The following FGF14 variants were observed in gnomAD, a reference collection of about 807,000 sequenced individuals.
The protein encoded by FGF14 is fibroblast growth factor 14.
A neutral mutation model predicts 25.5 loss-of-function variants in FGF14; 5 were observed. The ratio of observed to expected loss-of-function variants is 0.20; its 90% CI spans 0.10 to 0.41. The LOEUF (loss-of-function observed/expected upper bound fraction) is 0.41. Ranked by LOEUF, FGF14 falls within the 10% of genes least tolerant of loss-of-function variation. The pLI is 1.00. For synonymous variants in FGF14, 138 were observed against 118.3 expected (o/e 1.17, Z -1.08); for missense variants, 222 against 320.1 (o/e 0.69, Z 2.34).
chr13:102,053,506 T>C, intron 1 of FGF14, among the ~76,000 whole-genome samples: 1 of 152,000 alleles, frequency 6.6e-6, no homozygotes, highest in East Asian at 1.9e-4. Context: ...AAAAGCAAAA[T>C]TTAAAAATGT....
At chr13:102,354,978 C>T (rs773041753) in intron 1 of FGF14, among the ~76,000 whole-genome samples, 1 of 152,108 alleles carries the variant, frequency 6.6e-6, no homozygotes, top group African/African-American at 2.4e-5. Context: ...CTTCTTTGTG[C>T]GATCAAGACC....
Position 101,866,554 on chromosome 13 carries a change from G to C in FGF14, c.408+2171C>G, listed in dbSNP as rs191904044. Among the ~76,000 whole-genome samples, 1,011 of 152,022 alleles carry C rather than the reference G, an allele frequency of 6.7e-3. 10 individuals carry two copies. The highest frequency in any genetic ancestry group is 0.017 in the South Asian group (81 of 4,812). ...GCTTAGAACAGTGCTAGACAGAGTG[G>C]ATTGTACAAATATCATCACTATTGT... On this transcript the variant is annotated intron_variant, in intron 3 of 4. Transcript: ENST00000376143.
intron 1 of FGF14, among the ~76,000 whole-genome samples, chr13:102,334,468 C>G (rs2056730868): frequency 6.6e-6 from 1 of 152,068 alleles, no homozygotes; most frequent in African/African-American, 2.4e-5. Flanking sequence ...CTGCAGCAAG[C>G]CATGCAGATG....
At chr13:101,889,237 A>T (rs1425693200) in intron 1 of FGF14, among the ~76,000 whole-genome samples, 3 of 150,614 alleles carry the variant, frequency 2.0e-5, no homozygotes, top group Non-Finnish European at 2.9e-5. Flanking sequence ...ATTGCCATTT[A>T]AAAAAAATAA....
intron 1 of FGF14, among the ~76,000 whole-genome samples, chr13:102,340,484 A>G (rs962449940): frequency 6.6e-5 from 10 of 152,076 alleles, no homozygotes; most frequent in African/African-American, 2.4e-4. Context: ...AGTGTTCATC[A>G]GTTCCAGAAG....
intron 1 of FGF14, among the ~76,000 whole-genome samples, chr13:101,978,448 C>A (rs1290769960): frequency 6.6e-6 from 1 of 151,966 alleles, no homozygotes; most frequent in Non-Finnish European, 1.5e-5. Context: ...TAAATAGCAT[C>A]CAAAAAACAC....
In FGF14 at chr13:101,716,631, G is replaced by T. The variant is rs1001284833; in HGVS notation, c.*6200C>A. The T allele has an allele frequency of 1.3e-5, 2 of 151,844 alleles. No individual in the cohort carries two copies. The highest frequency in any genetic ancestry group is 2.9e-5 in the Non-Finnish European group (2 of 67,952). 9.4% of individuals were successfully genotyped at this position (151,844 alleles called of 1,614,324 possible). ...TGTGGCCTTTTAAAAAGACAATATT[G>T]AGTTACATATAAAATGGGCCTGAAG... On this transcript the variant is annotated 3_prime_UTR_variant, in exon 5 of 5. Coordinates refer to ENST00000376143, the MANE Select transcript of FGF14 (RefSeq NM_004115.4).
At chr13:102,243,998 G>A (rs2051733176) in intron 1 of FGF14, among the ~76,000 whole-genome samples, 1 of 151,976 alleles carries the variant, frequency 6.6e-6, no homozygotes, top group Non-Finnish European at 1.5e-5. Context: ...ATCCTGTTCT[G>A]CACTGGGATG....
At chr13:101,732,937 A>C (rs575019241) in intron 3 of FGF14, among the ~76,000 whole-genome samples, 1 of 152,188 alleles carries the variant, frequency 6.6e-6, no homozygotes, top group African/African-American at 2.4e-5. Flanking sequence ...ATCTGAGGTC[A>C]GCAGAGATTT....
At chr13:101,838,427 G>A (rs558955653) in intron 3 of FGF14, among the ~76,000 whole-genome samples, 1 of 152,000 alleles carries the variant, frequency 6.6e-6, no homozygotes, top group South Asian at 2.1e-4. Context: ...TTTTGCTCCA[G>A]GCACAGTGAT....
At chr13:101,753,294 GACAGACACACACACACACACACAC>G (rs1374624907) in intron 3 of FGF14, among the ~76,000 whole-genome samples, 2 of 98,112 alleles carry the variant, frequency 2.0e-5, no homozygotes, top group Non-Finnish European at 4.1e-5. Flanking sequence ...GACACACACA[GACAGACACACACACACACACACAC>G]ACACACACAC....
chr13:102,006,548 C>G (rs1453277176), intron 1 of FGF14, among the ~76,000 whole-genome samples: 1 of 151,982 alleles, frequency 6.6e-6, no homozygotes, highest in Non-Finnish European at 1.5e-5. Flanking sequence ...TGTAGAAACT[C>G]CTGACCTTTT....
chr13:101,960,060 CTGTT>C (rs1260457302), intron 1 of FGF14, among the ~76,000 whole-genome samples: 1 of 152,170 alleles, frequency 6.6e-6, no homozygotes, highest in Non-Finnish European at 1.5e-5. Context: ...AATTATCAAA[CTGTT>C]TGTTGACTAA....
At chr13:101,995,803 A>C (rs2039148040) in intron 1 of FGF14, among the ~76,000 whole-genome samples, 1 of 152,182 alleles carries the variant, frequency 6.6e-6, no homozygotes, top group Non-Finnish European at 1.5e-5. Context: ...GCATCTAAAC[A>C]TTAAAACAAT....
chr13:101,719,004 T>C lies in FGF14; in HGVS notation c.*3827A>G, dbSNP rs1486854715. ...AAAAAAAATTGAGGATTTAGCCCAG[T>C]CGCTTTCCCTTGATATAGCCTTGTT... is the stretch of plus-strand genomic sequence containing the variant. On this transcript the variant is annotated 3_prime_UTR_variant, in exon 5 of 5. Transcript: ENST00000376143. 2 of 152,086 alleles carry C rather than the reference T, an allele frequency of 1.3e-5. No homozygotes were observed. The highest frequency in any genetic ancestry group is 6.6e-5 in the Admixed American group (1 of 15,254). The allele number at this position is 152,086 out of a possible 1,614,324, so 9.4% of individuals were successfully genotyped here.
At chr13:102,294,585 C>T (rs61122017) in intron 1 of FGF14, among the ~76,000 whole-genome samples, 3,743 of 152,284 alleles carry the variant, frequency 0.025, 152 homozygotes, top group African/African-American at 0.084. Flanking sequence ...ATCCACTTGG[C>T]TTGAACTCTG....
At chr13:101,912,304 T>C (rs1259498536) in intron 1 of FGF14, among the ~76,000 whole-genome samples, 2 of 152,168 alleles carry the variant, frequency 1.3e-5, no homozygotes, top group African/African-American at 2.4e-5. Context: ...TGATTAAGCA[T>C]ACATGGCACA....
intron 1 of FGF14, among the ~76,000 whole-genome samples, chr13:102,044,746 C>A (rs1267445439): frequency 1.3e-5 from 2 of 152,132 alleles, no homozygotes; most frequent in African/African-American, 4.8e-5. Flanking sequence ...TCCTCCACCA[C>A]TCAAGAAGAA....
At chr13:102,015,193 C>A (rs1164081966) in intron 1 of FGF14, among the ~76,000 whole-genome samples, 1 of 152,184 alleles carries the variant, frequency 6.6e-6, no homozygotes, top group Non-Finnish European at 1.5e-5. Flanking sequence ...CAGGCGTGAG[C>A]CACCGTGCTC....
Sources: allele counts gnomAD v4.1 joint callset (sites outside exome capture counted in the v4.1 genomes callset), GRCh38; gene constraint gnomAD v4.1.1; transcripts MANE v1.5; gene names NCBI Gene and HGNC (gene_info 2026-07-23, HGNC 2026-07-21).